Variants in ZFR observed in about 807,000 individuals in gnomAD.
ZFR encodes the protein zinc finger RNA-binding protein.
In ZFR, 19 loss-of-function variants were observed where a neutral mutation model predicts 130.7. The observed-to-expected ratio is 0.15, with a 90% CI of 0.10 to 0.21. ZFR has a LOEUF of 0.21. Ranked by LOEUF, ZFR falls within the 10% of genes least tolerant of loss-of-function variation. ZFR has a pLI of 1.00. For synonymous variants in ZFR, 466 were observed against 456.9 expected (o/e 1.02, Z -0.25); for missense variants, 872 against 1,321.5 (o/e 0.66, Z 5.27).
chr5:32,426,294 A>G (rs1754070705), intron 2 of ZFR, among the ~76,000 whole-genome samples: 1 of 152,188 alleles, frequency 6.6e-6, no homozygotes, highest in African/African-American at 2.4e-5. Context: ...AGTTCAACAT[A>G]TAAATCAATG....
intron 3 of ZFR, among the ~76,000 whole-genome samples, 192 bp from the exon 4 acceptor site, chr5:32,417,984 G>A (rs959148339): frequency 3.3e-5 from 5 of 152,160 alleles, no homozygotes; most frequent in Non-Finnish European, 2.9e-5. Context: ...ATCAAGGCTG[G>A]GTGCGGTGGC....
chr5:32,403,598 ATC>A (rs1478357807), intron 7 of ZFR, among the ~76,000 whole-genome samples: 34 of 152,338 alleles, frequency 2.2e-4, no homozygotes, highest in African/African-American at 8.2e-4. Context: ...TACATATTCC[ATC>A]TACTATTAGG....
chr5:32,438,612 A>T (rs1754394854), intron 2 of ZFR, among the ~76,000 whole-genome samples: 1 of 152,072 alleles, frequency 6.6e-6, no homozygotes, highest in Admixed American at 6.6e-5. Flanking sequence ...ATTACTTCTC[A>T]TATTCTTGCC....
chr5:32,417,211 C>G (rs1188342605), intron 4 of ZFR, among the ~76,000 whole-genome samples: 2 of 151,954 alleles, frequency 1.3e-5, no homozygotes, highest in Admixed American at 6.5e-5. Flanking sequence ...ATTCTACATA[C>G]TGTATTTAAC....
rs566724530 is a variant in ZFR at position 32,442,021 on chromosome 5, A to C, written c.137+2208T>G. The stretch of plus-strand genomic sequence containing the variant: ...TATACTGGGATAAAACAATCACATA[A>C]ATATTTTATCAAAAAATTATTAATT... On this transcript the variant is annotated intron_variant, in intron 2 of 19. Transcript: ENST00000265069. Among the ~76,000 whole-genome samples, 9 of 152,302 alleles carry C rather than the reference A, an allele frequency of 5.9e-5. No homozygotes were observed. The South Asian group carries it at 1.7e-3, about 28-fold the overall frequency.
At chr5:32,427,450 CG>C (rs1259168789) in intron 2 of ZFR, among the ~76,000 whole-genome samples, 1 of 146,146 alleles carries the variant, frequency 6.8e-6, no homozygotes, top group Non-Finnish European at 1.5e-5. Context: ...AGGTGAAAAA[CG>C]TGTGTATTAA....
At position 32,443,477 on chromosome 5, in the gene ZFR, T is replaced by C. The variant is rs1291274691; in HGVS notation, c.137+752A>G. Among the ~76,000 whole-genome samples, 4 of 152,254 alleles carry C rather than the reference T, an allele frequency of 2.6e-5. No homozygotes were observed. The East Asian group carries it at 7.7e-4, about 29-fold the overall frequency. On this transcript the variant is annotated intron_variant, in intron 2 of 19. Transcript: ENST00000265069. ...AGGCCCACCTGGGGCCTAAACTCCA[T>C]AGCTCAAACAAGGCTGGGCACTCAT...
chr5:32,363,350 G>A (rs899261962), intron 19 of ZFR, among the ~76,000 whole-genome samples: 1 of 151,912 alleles, frequency 6.6e-6, no homozygotes, highest in South Asian at 2.1e-4. Context: ...GGGTTAATAA[G>A]ATGATAATAC....
intron 4 of ZFR, among the ~76,000 whole-genome samples, chr5:32,415,515 T>TGTGTGTGTGTGTGCGC (rs1326041688): frequency 7.1e-5 from 7 of 97,934 alleles, no homozygotes; most frequent in East Asian, 3.3e-4. Context: ...TGTGTGTGTG[T>TGTGTGTGTGTGTGCGC]GCGCGCGCGC....
chr5:32,393,883 T>C (rs1449594553), intron 11 of ZFR, among the ~76,000 whole-genome samples: 1 of 151,918 alleles, frequency 6.6e-6, no homozygotes, highest in Admixed American at 6.6e-5. Flanking sequence ...ACATACTTGG[T>C]GAAAGAAACA....
At chr5:32,436,315 A>ATT (rs907748711) in intron 2 of ZFR, among the ~76,000 whole-genome samples, 1 of 144,350 alleles carries the variant, frequency 6.9e-6, no homozygotes, top group Non-Finnish European at 1.5e-5. Flanking sequence ...CGCCCGGCTG[A>ATT]TTTTTTTTTT....
intron 5 of ZFR, among the ~76,000 whole-genome samples, chr5:32,408,624 A>C (rs2963980): frequency 0.94 from 142,674 of 152,306 alleles, 66,921 homozygotes; most frequent in African/African-American, 0.97. Context: ...GTAAGCTTGA[A>C]AACATTTGGC....
At chr5:32,425,816 G>C (rs889121766) in intron 2 of ZFR, among the ~76,000 whole-genome samples, 1 of 152,138 alleles carries the variant, frequency 6.6e-6, no homozygotes, top group Admixed American at 6.5e-5. Flanking sequence ...ATGAGCCACC[G>C]TGCCCAGCCT....
intron 2 of ZFR, among the ~76,000 whole-genome samples, chr5:32,428,362 C>T (rs1225406782): frequency 2.0e-5 from 3 of 151,976 alleles, no homozygotes; most frequent in South Asian, 2.1e-4. Context: ...TGCAGTGAGC[C>T]GAGATCATGC....
chr5:32,391,692 TAAGA>T (rs898864974), intron 11 of ZFR, among the ~76,000 whole-genome samples: 1 of 152,082 alleles, frequency 6.6e-6, no homozygotes, highest in Non-Finnish European at 1.5e-5. Flanking sequence ...TGTTAACATA[TAAGA>T]AAGAAGTGCG....
At chr5:32,444,441 G>T in intron 1 of ZFR, 113 bp from the exon 2 acceptor site, 1 of 1,330,814 alleles carries the variant, frequency 7.5e-7, no homozygotes, top group South Asian at 1.5e-5. Context: ...AGCAGCCCTG[G>T]CGGGGCCCAG....
chr5:32,401,037 T>C (rs183985733), intron 8 of ZFR, among the ~76,000 whole-genome samples: 2 of 152,384 alleles, frequency 1.3e-5, no homozygotes, highest in East Asian at 1.9e-4. Context: ...TTTTCTATTA[T>C]TGTTCTAAAC....
At chr5:32,427,386 A>AC (rs1463083037) in intron 2 of ZFR, among the ~76,000 whole-genome samples, 1 of 151,090 alleles carries the variant, frequency 6.6e-6, no homozygotes, top group Non-Finnish European at 1.5e-5. Flanking sequence ...AAAAAAAAAA[A>AC]AAAAAAAAAA....
chr5:32,413,234 A>G (rs531030192), intron 5 of ZFR, among the ~76,000 whole-genome samples: 3 of 151,976 alleles, frequency 2.0e-5, no homozygotes, highest in Admixed American at 1.3e-4. Context: ...AAAACAAAAC[A>G]AAACAAAAAA....
Sources: gnomAD v4.1 joint callset for allele counts (sites outside exome capture counted in the v4.1 genomes callset) on GRCh38, gnomAD v4.1.1 for gene constraint, MANE v1.5 for transcripts, NCBI Gene and HGNC (gene_info 2026-07-23, HGNC 2026-07-21) for gene names.